MAL: variants seen among roughly 807,000 people sequenced by gnomAD.
MAL encodes the protein mal, T cell differentiation protein (MAL blood group), also known as myelin and lymphocyte protein.
Under a neutral mutation model 16.7 loss-of-function variants are expected in MAL, and 5 were observed. The observed-to-expected ratio is 0.30, with a 90% confidence interval of 0.16 to 0.63. MAL has a LOEUF of 0.63. MAL is among the 30% of genes least tolerant of loss of function. The pLI is 0.82. For missense variants in MAL, 202 were observed against 195.8 expected (o/e 1.03, Z -0.19); for synonymous variants, 96 against 85.5 (o/e 1.12, Z -0.67).
At chr2:95,034,709 G>A (rs545136729) in intron 1 of MAL, among the ~76,000 whole-genome samples, 3 of 152,220 alleles carry the variant, frequency 2.0e-5, no homozygotes, top group Middle Eastern at 3.4e-3. Context: ...ATGGGTCTCA[G>A]GACTATTTCT....
At chr2:95,047,919 C>G (rs374847504) in intron 1 of MAL, 40 bp from the exon 2 acceptor site, 38 of 1,591,408 alleles carry the variant, frequency 2.4e-5, no homozygotes, top group Non-Finnish European at 3.1e-5. Flanking sequence ...GGCTGGGGCT[C>G]TCCTCTAGGC....
intron 1 of MAL, among the ~76,000 whole-genome samples, chr2:95,027,592 C>T (rs1673972767): frequency 6.6e-6 from 1 of 152,246 alleles, no homozygotes; most frequent in African/African-American, 2.4e-5. Context: ...GACCCCAAGC[C>T]TCTCAGTTCT....
Position 95,049,500 on chromosome 2 carries a change from C to T in MAL, c.262-81C>T, listed in dbSNP as rs1227690662. On this transcript the variant is annotated intron_variant, in intron 2 of 3. Coordinates refer to ENST00000309988, the MANE Select transcript of MAL (RefSeq NM_002371.4). ...AGGAAGTGGGGGGAGAGGCAAGGGG[C>T]GGGGGTGGAGGGGACCTCAGCTCTG... 16 of 1,452,066 alleles carry T rather than the reference C, an allele frequency of 1.1e-5. No individual in the cohort carries two copies. In the South Asian group the frequency reaches 1.5e-4, roughly 13 times the overall value. The allele number at this position is 1,452,066 out of a possible 1,614,324, so 89.9% of individuals were successfully genotyped here. A position where few individuals can be genotyped will look rare whatever the true frequency, so the allele number is the denominator to read the frequency against.
intron 1 of MAL, among the ~76,000 whole-genome samples, chr2:95,046,496 G>A (rs1674587807): frequency 6.6e-6 from 1 of 152,230 alleles, no homozygotes; most frequent in African/African-American, 2.4e-5. Flanking sequence ...CCACAGTGAG[G>A]AACGGAGTTT....
At chr2:95,027,299 A>G (rs1373512597) in intron 1 of MAL, among the ~76,000 whole-genome samples, 1 of 152,168 alleles carries the variant, frequency 6.6e-6, no homozygotes, top group Non-Finnish European at 1.5e-5. Flanking sequence ...CAGAAATTAC[A>G]GGGGCGTGGG....
intron 1 of MAL, among the ~76,000 whole-genome samples, chr2:95,027,409 A>G (rs529898608): frequency 6.6e-6 from 1 of 152,310 alleles, no homozygotes; most frequent in South Asian, 2.1e-4. Context: ...CCCCTCGCCC[A>G]GAACGCTTCT....
intron 1 of MAL, among the ~76,000 whole-genome samples, chr2:95,028,070 G>A (rs568649368): frequency 1.3e-5 from 2 of 151,526 alleles, no homozygotes; most frequent in East Asian, 1.9e-4. Flanking sequence ...ACTTTGGGAG[G>A]CTGAGGTGGG....
chr2:95,045,404 C>T (rs947454837), intron 1 of MAL, among the ~76,000 whole-genome samples: 14 of 152,138 alleles, frequency 9.2e-5, no homozygotes, highest in African/African-American at 2.2e-4. Flanking sequence ...GACCAAGGCC[C>T]GTTAGCTGAC....
At chr2:95,035,667 AT>A (rs747522452) in intron 1 of MAL, among the ~76,000 whole-genome samples, 2,026 of 130,962 alleles carry the variant, frequency 0.015, 17 homozygotes, top group East Asian at 0.069. Context: ...CAGCTCTTAG[AT>A]TTTTTTTTTT....
At chr2:95,035,911 C>T (rs554486207) in intron 1 of MAL, among the ~76,000 whole-genome samples, 14 of 152,260 alleles carry the variant, frequency 9.2e-5, no homozygotes, top group South Asian at 4.1e-4. Flanking sequence ...CCTCGTGATC[C>T]GCTCACCTCA....
chr2:95,037,791 T>TGTGAGTGACTAAGTGAGTGA (rs1558658269), intron 1 of MAL, among the ~76,000 whole-genome samples: 65 of 80,778 alleles, frequency 8.0e-4, no homozygotes, highest in African/African-American at 3.1e-3. Flanking sequence ...TGAGTGACTG[T>TGTGAGTGACTAAGTGAGTGA]GTGAGTGACT....
At chr2:95,050,749 G>A (rs1674699092) in intron 3 of MAL, among the ~76,000 whole-genome samples, 1 of 152,136 alleles carries the variant, frequency 6.6e-6, no homozygotes, top group Non-Finnish European at 1.5e-5. Context: ...CCCCTAAAAA[G>A]GGCCCCCTCA....
At chr2:95,031,018 T>C (rs1034626767) in intron 1 of MAL, among the ~76,000 whole-genome samples, 2 of 152,046 alleles carry the variant, frequency 1.3e-5, no homozygotes, top group African/African-American at 4.8e-5. Flanking sequence ...CATTAGGTGG[T>C]CCAAGCTGTG....
chr2:95,049,742 G>T (rs748518384), intron 3 of MAL, 36 bp downstream of exon 3: 1 of 1,612,154 alleles, frequency 6.2e-7, no homozygotes, highest in South Asian at 1.1e-5. Flanking sequence ...TCCACAGCGG[G>T]CGGCTCCGTG....
intron 1 of MAL, among the ~76,000 whole-genome samples, chr2:95,030,553 C>T (rs1044439005): frequency 3.9e-5 from 6 of 152,206 alleles, no homozygotes; most frequent in African/African-American, 1.2e-4. Context: ...CCCCCAGATG[C>T]GAGGTCTCCC....
At chr2:95,031,363 C>T (rs1336569629) in intron 1 of MAL, among the ~76,000 whole-genome samples, 1 of 152,196 alleles carries the variant, frequency 6.6e-6, no homozygotes, top group African/African-American at 2.4e-5. Flanking sequence ...CACTGGGAAG[C>T]TCACACCTCC....
intron 1 of MAL, among the ~76,000 whole-genome samples, chr2:95,040,122 T>TACAC (rs140877183): frequency 1.1e-4 from 17 of 149,996 alleles, no homozygotes; most frequent in Middle Eastern, 3.5e-3. Flanking sequence ...TCTACCTACC[T>TACAC]ACACACACAC....
At chr2:95,029,881 G>A (rs1321743730) in intron 1 of MAL, among the ~76,000 whole-genome samples, 4 of 152,274 alleles carry the variant, frequency 2.6e-5, no homozygotes, top group Admixed American at 1.3e-4. Context: ...CATGAAAGTC[G>A]CCATTGTTCC....
intron 1 of MAL, among the ~76,000 whole-genome samples, chr2:95,039,523 A>C (rs192295403): frequency 2.0e-5 from 3 of 150,292 alleles, no homozygotes; most frequent in Admixed American, 2.0e-4. Context: ...TGAGTGACTG[A>C]GTGACTGAGT....
Sources: gnomAD v4.1 joint callset for allele counts (sites outside exome capture counted in the v4.1 genomes callset) on GRCh38, gnomAD v4.1.1 for gene constraint, MANE v1.5 for transcripts, NCBI Gene and HGNC (gene_info 2026-07-23, HGNC 2026-07-21) for gene names.